The following CSMD1 variants were observed in gnomAD, a reference collection of about 807,000 sequenced individuals.
CSMD1 encodes the protein CUB and Sushi multiple domains 1, also known as CUB and sushi domain-containing protein 1.
Under a neutral mutation model 417.5 loss-of-function variants are expected in CSMD1, and 213 were observed. The ratio of observed to expected loss-of-function variants is 0.51; its 90% CI spans 0.46 to 0.57. The LOEUF (loss-of-function observed/expected upper bound fraction) is 0.57, where lower values mean the gene tolerates loss of function less well. Ranked by LOEUF, CSMD1 falls within the 20% of genes least tolerant of loss-of-function variation. The pLI, the probability that CSMD1 is intolerant of heterozygous loss-of-function variation, is 0.00. For synonymous variants in CSMD1, 2,862 were observed against 1,736.8 expected (o/e 1.65, Z -16.11); for missense variants, 6,923 against 4,529.7 (o/e 1.53, Z -15.17).
At chr8:3,308,732 G>GTTTTTT (rs5888961) in intron 23 of CSMD1, among the ~76,000 whole-genome samples, 3 of 108,928 alleles carry the variant, frequency 2.8e-5, no homozygotes, top group African/African-American at 3.6e-5. Context: ...CTACTTACAA[G>GTTTTTT]TTTTTTTTTT....
At chr8:4,311,458 C>G (rs760093221) in intron 3 of CSMD1, among the ~76,000 whole-genome samples, 1 of 152,100 alleles carries the variant, frequency 6.6e-6, no homozygotes, top group East Asian at 1.9e-4. Flanking sequence ...CATCGTGGCT[C>G]ACAGCTGTAA....
At chr8:3,536,141 C>T (rs1798188706) in intron 10 of CSMD1, among the ~76,000 whole-genome samples, 1 of 152,192 alleles carries the variant, frequency 6.6e-6, no homozygotes, top group African/African-American at 2.4e-5. Context: ...ATATCCGGAT[C>T]ATCAACTGTC....
At chr8:4,054,746 T>A (rs1253356006) in intron 3 of CSMD1, among the ~76,000 whole-genome samples, 2 of 152,150 alleles carry the variant, frequency 1.3e-5, no homozygotes, top group African/African-American at 4.8e-5. Flanking sequence ...TTGTGATGTG[T>A]CATTCTCTGG....
intron 2 of CSMD1, among the ~76,000 whole-genome samples, chr8:4,437,477 G>C (rs947104832): frequency 1.3e-5 from 2 of 152,042 alleles, no homozygotes; most frequent in Non-Finnish European, 2.9e-5. Context: ...TACATGAAAA[G>C]TTTCCTCTCA....
intron 3 of CSMD1, among the ~76,000 whole-genome samples, chr8:4,245,103 A>C (rs1802626520): frequency 6.6e-6 from 1 of 152,198 alleles, no homozygotes; most frequent in Non-Finnish European, 1.5e-5. Context: ...AACGACCCTC[A>C]AGATTTTCAA....
At position 4,659,558 on chromosome 8, in the gene CSMD1, T is replaced by G. The variant is rs553986684; in HGVS notation, c.86-22000A>C. 2.0e-5 allele frequency among the ~76,000 whole-genome samples: 3 copies of G among 152,168 alleles called. No individual in the cohort carries two copies. In the East Asian group the frequency reaches 5.8e-4, roughly 29 times the overall value. ...CACAAAATGTCACAGACAGTACAAT[T>G]TCACACATATCAGATACCCAGAAGA... On this transcript the variant is annotated intron_variant, in intron 1 of 69. Transcript: ENST00000635120.
At chr8:3,929,505 T>A (rs760457283) in intron 5 of CSMD1, among the ~76,000 whole-genome samples, 1 of 150,494 alleles carries the variant, frequency 6.6e-6, no homozygotes, top group African/African-American at 2.5e-5. Context: ...AATCTGCATA[T>A]TGAAATTCAA....
intron 31 of CSMD1, among the ~76,000 whole-genome samples, chr8:3,203,754 G>A (rs1435986282): frequency 6.6e-6 from 1 of 152,180 alleles, no homozygotes; most frequent in Middle Eastern, 3.2e-3. Context: ...TTAGATTTGT[G>A]TTTTAGAAAG....
chr8:3,365,011 T>G (rs1027966465), intron 20 of CSMD1, among the ~76,000 whole-genome samples: 8 of 152,206 alleles, frequency 5.3e-5, no homozygotes, highest in African/African-American at 1.9e-4. Flanking sequence ...CTTGCGTCAC[T>G]GCCATTTTCT....
At chr8:3,481,247 GAGAAA>G (rs1368721070) in intron 11 of CSMD1, among the ~76,000 whole-genome samples, 1 of 151,142 alleles carries the variant, frequency 6.6e-6, no homozygotes, top group Non-Finnish European at 1.5e-5. Flanking sequence ...AGAAATGAAG[GAGAAA>G]AGAAAAGAAA....
chr8:4,151,319 A>G (rs1413896656), intron 3 of CSMD1, among the ~76,000 whole-genome samples: 1 of 152,234 alleles, frequency 6.6e-6, no homozygotes, highest in African/African-American at 2.4e-5. Context: ...TCCTAAGATC[A>G]ATGCTTCAAG....
rs768168514 is a variant in CSMD1 at position 3,289,764 on chromosome 8, C to T, written c.3951-5418G>A. On this transcript the variant is annotated intron_variant, in intron 25 of 69. Coordinates refer to ENST00000635120, the MANE Select transcript of CSMD1 (RefSeq NM_033225.6). ...TGAGGAGGTTGCAATAATTTTCTCCCATTCTGTAGGTTGCCTGTTCACTCT... is the reference window on the plus strand; with the variant it reads ...TGAGGAGGTTGCAATAATTTTCTCCTATTCTGTAGGTTGCCTGTTCACTCT... 4.1e-4 allele frequency among the ~76,000 whole-genome samples: 60 copies of T among 147,190 alleles called. 9 individuals carry two copies. The highest frequency in any genetic ancestry group is 1.1e-3 in the African/African-American group (39 of 37,036).
In CSMD1 at chr8:2,938,543, C is replaced by T; in HGVS notation, c.*42G>A. ...ACCAAAGGAATCACTGCTTGTCCAT[C>T]AGAGGTATGGCTATGAATCAGTCCT... On this transcript the variant is annotated 3_prime_UTR_variant, in exon 70 of 70. Transcript: ENST00000635120. The T allele has an allele frequency of 6.4e-7, 1 of 1,573,520 alleles. No homozygotes were observed. The highest frequency in any genetic ancestry group is 1.2e-5 in the South Asian group (1 of 85,430).
Position 2,965,832 on chromosome 8 carries a change from C to G in CSMD1, c.9223G>C (p.Ala3075Pro). 6.2e-7 allele frequency: 1 copy of G among 1,609,010 alleles called. No homozygotes were observed. Among genetic ancestry groups the G allele is most frequent in the Non-Finnish European group, 8.5e-7 (1 of 1,177,618 alleles). The change falls in exon 59 of 70, where the codon GCC becomes CCC. Residue 3075 changes from alanine to proline, a missense_variant. Physicochemically the swap from Ala to Pro is conservative, Grantham distance 27. Transcript: ENST00000635120. ...PGYVMEAVTS[A>P]TIRCTKDGRW... ...CCGTCTTTGGTACAGCGAATAGTGG[C>G]GGATGTGACTGCTTCCATGACATAG...
At chr8:4,757,422 T>C (rs1213544823) in intron 1 of CSMD1, among the ~76,000 whole-genome samples, 1 of 152,158 alleles carries the variant, frequency 6.6e-6, no homozygotes, top group Non-Finnish European at 1.5e-5. Context: ...TCACCAATTA[T>C]GAGCTGTGAT....
intron 2 of CSMD1, among the ~76,000 whole-genome samples, chr8:4,420,318 C>A (rs1797175862): frequency 6.6e-6 from 1 of 151,754 alleles, no homozygotes; most frequent in Non-Finnish European, 1.5e-5. Context: ...TATAATATGC[C>A]ATTGTCTTAA....
At chr8:3,921,283 T>G (rs1054790363) in intron 5 of CSMD1, among the ~76,000 whole-genome samples, 1 of 152,160 alleles carries the variant, frequency 6.6e-6, no homozygotes, top group Non-Finnish European at 1.5e-5. Flanking sequence ...CATTTCTAAT[T>G]TTGAGTCTTC....
At chr8:3,625,525 T>A (rs959210014) in intron 7 of CSMD1, among the ~76,000 whole-genome samples, 2 of 152,168 alleles carry the variant, frequency 1.3e-5, no homozygotes, top group Non-Finnish European at 2.9e-5. Context: ...ATTTTACCCA[T>A]GTTCTCTGGT....
intron 2 of CSMD1, among the ~76,000 whole-genome samples, chr8:4,461,979 G>A (rs1340362310): frequency 6.6e-6 from 1 of 151,988 alleles, no homozygotes; most frequent in East Asian, 1.9e-4. Context: ...CCGACCTCCT[G>A]ATCCGCCCAC....
Sources: gnomAD v4.1 joint callset for allele counts (sites outside exome capture counted in the v4.1 genomes callset) on GRCh38, gnomAD v4.1.1 for gene constraint, MANE v1.5 for transcripts, NCBI Gene and HGNC (gene_info 2026-07-23, HGNC 2026-07-21) for gene names.